CLINT1: variants seen among roughly 807,000 people sequenced by gnomAD.
The protein encoded by CLINT1 is clathrin interactor 1.
CLINT1 carries 15 observed loss-of-function variants against 70.4 expected under a neutral mutation model. The observed-to-expected ratio is 0.21, with a 90% CI of 0.14 to 0.33. CLINT1 has a LOEUF of 0.33. Among genes scored for constraint, CLINT1 ranks in the 10% least tolerant of loss-of-function variants. CLINT1 has a pLI of 1.00. For missense variants in CLINT1, 615 were observed against 778.1 expected (o/e 0.79, Z 2.49); for synonymous variants, 227 against 254.7 (o/e 0.89, Z 1.04).
intron 1 of CLINT1, among the ~76,000 whole-genome samples, chr5:157,827,326 C>T (rs140723023): frequency 2.0e-5 from 3 of 152,146 alleles, no homozygotes; most frequent in Non-Finnish European, 4.4e-5. Context: ...GAAGCAAGGA[C>T]TAAAATAACC....
At chr5:157,830,761 T>TCCCTCC (rs1561662775) in intron 1 of CLINT1, among the ~76,000 whole-genome samples, 1 of 61,732 alleles carries the variant, frequency 1.6e-5, no homozygotes, top group Admixed American at 1.9e-4. Context: ...TCTCTCCCTC[T>TCCCTCC]CTCTCTCTCT....
At chr5:157,817,569 G>A (rs755521539) in intron 1 of CLINT1, 22 bp from the exon 2 acceptor site, 14 of 1,404,972 alleles carry the variant, frequency 1.0e-5, no homozygotes, top group East Asian at 4.8e-5. Context: ...AAAAATGCAC[G>A]CACACATGCA....
intron 6 of CLINT1, among the ~76,000 whole-genome samples, chr5:157,807,860 A>G (rs1762433027): frequency 6.6e-6 from 1 of 152,106 alleles, no homozygotes; most frequent in Non-Finnish European, 1.5e-5. Flanking sequence ...CAGCCTACAT[A>G]GCGTTATTGT....
intron 7 of CLINT1, among the ~76,000 whole-genome samples, chr5:157,804,715 G>A (rs369596118): frequency 3.0e-4 from 46 of 151,926 alleles, no homozygotes; most frequent in African/African-American, 1.1e-3. Context: ...ACTTGAGGTC[G>A]GGAGTTCGAG....
At chr5:157,853,634 G>A (rs979021635) in intron 1 of CLINT1, among the ~76,000 whole-genome samples, 4 of 151,760 alleles carry the variant, frequency 2.6e-5, no homozygotes, top group African/African-American at 4.8e-5. Context: ...AAAATTAGCC[G>A]GGCATGGTGG....
At chr5:157,825,353 A>C (rs1763003278) in intron 1 of CLINT1, among the ~76,000 whole-genome samples, 1 of 152,120 alleles carries the variant, frequency 6.6e-6, no homozygotes, top group Admixed American at 6.5e-5. Flanking sequence ...TTGCTTTTAA[A>C]AATAACCATC....
At position 157,844,132 on chromosome 5, in the gene CLINT1, T is replaced by C. The variant is rs375259737; in HGVS notation, c.41+14798A>G. Among the ~76,000 whole-genome samples the C allele has an allele frequency of 1.6e-3, 242 of 152,212 alleles. 2 individuals are homozygous for C. The highest frequency in any genetic ancestry group is 5.4e-3 in the African/African-American group (226 of 41,554). Reference sequence around the variant, plus strand: ...CACCAGTAATTAAACTTAGATGTATTATCCAATCTCAAAAACTAGACTTGA... The same window carrying C: ...CACCAGTAATTAAACTTAGATGTATCATCCAATCTCAAAAACTAGACTTGA... On this transcript the variant is annotated intron_variant, in intron 1 of 11. Coordinates refer to ENST00000411809, the MANE Select transcript of CLINT1 (RefSeq NM_014666.4).
At chr5:157,847,581 C>T (rs187606) in intron 1 of CLINT1, among the ~76,000 whole-genome samples, 61,227 of 151,776 alleles carry the variant, frequency 0.4, 12,877 homozygotes, top group East Asian at 0.61. Context: ...TGATTCCAAA[C>T]CTCATGGATC....
intron 1 of CLINT1, among the ~76,000 whole-genome samples, chr5:157,826,091 G>T (rs1581516113): frequency 6.6e-6 from 1 of 152,054 alleles, no homozygotes; most frequent in African/African-American, 2.4e-5. Flanking sequence ...GGGAGCAAGT[G>T]AAACACCAAA....
chr5:157,800,921 T>C (rs1762192841), intron 8 of CLINT1, among the ~76,000 whole-genome samples: 1 of 152,186 alleles, frequency 6.6e-6, no homozygotes, highest in Admixed American at 6.5e-5. Flanking sequence ...CTCTGATTGC[T>C]CCATTAAAAC....
intron 1 of CLINT1, among the ~76,000 whole-genome samples, chr5:157,851,272 G>A (rs1056438978): frequency 5.3e-5 from 8 of 152,096 alleles, no homozygotes; most frequent in Non-Finnish European, 5.9e-5. Context: ...GAAAAAGCAC[G>A]CATGTACGTT....
intron 3 of CLINT1, among the ~76,000 whole-genome samples, chr5:157,816,156 T>C (rs1057282661): frequency 6.6e-6 from 1 of 152,126 alleles, no homozygotes; most frequent in African/African-American, 2.4e-5. Context: ...AGCCAAACTA[T>C]GTCATTTTGG....
At chr5:157,834,583 T>G (rs1763356376) in intron 1 of CLINT1, among the ~76,000 whole-genome samples, 1 of 152,224 alleles carries the variant, frequency 6.6e-6, no homozygotes, top group Non-Finnish European at 1.5e-5. Context: ...GTTTCCTTTA[T>G]GGGATGATTA....
intron 10 of CLINT1, chr5:157,790,617 C>T (rs1451667797): frequency 2.2e-6 from 1 of 455,220 alleles, no homozygotes. Context: ...CTTCTTTCTT[C>T]TTTTCCTTCA....
chr5:157,817,573 A>T, intron 1 of CLINT1, 26 bp from the exon 2 acceptor site: 1 of 1,408,900 alleles, frequency 7.1e-7, no homozygotes. Flanking sequence ...ATGCACGCAC[A>T]CATGCACAAA....
At chr5:157,792,169 A>G (rs551072800) in intron 9 of CLINT1, among the ~76,000 whole-genome samples, 174 bp from the exon 10 acceptor site, 68 of 152,160 alleles carry the variant, frequency 4.5e-4, no homozygotes, top group Non-Finnish European at 8.1e-4. Flanking sequence ...GAGAGTTAAC[A>G]AGGTGGCAAA....
rs10632085 is a variant in CLINT1 at position 157,839,720 on chromosome 5, AATCTATCTATCTATCTATCT to A, written c.41+19190_41+19209del. Among the ~76,000 whole-genome samples the A allele has an allele frequency of 8.3e-3, 1,236 of 148,516 alleles. 19 individuals carry two copies. The highest frequency in any genetic ancestry group is 0.027 in the African/African-American group (1,079 of 40,220). On this transcript the variant is annotated intron_variant, in intron 1 of 11. Transcript: ENST00000411809. ...CTAGAAATCTCCTAATTACAACAAAAATCTATCTATCTATCTATCTATCTATCTATCTATCTATCTATCTA... is the reference window on the plus strand; with the variant it reads ...CTAGAAATCTCCTAATTACAACAAAAATCTATCTATCTATCTATCTATCTA...
At chr5:157,850,940 A>T (rs572675246) in intron 1 of CLINT1, among the ~76,000 whole-genome samples, 105 of 152,046 alleles carry the variant, frequency 6.9e-4, no homozygotes, top group Non-Finnish European at 1.3e-3. Context: ...GACTATAGGC[A>T]TGCATCACCA....
intron 8 of CLINT1, chr5:157,795,191 T>C (rs747892904): frequency 2.0e-6 from 1 of 512,168 alleles, no homozygotes; most frequent in Non-Finnish European, 3.5e-6. Flanking sequence ...TCTAGTAAGA[T>C]AAATGACACT....
Sources: gnomAD v4.1 joint callset for allele counts (sites outside exome capture counted in the v4.1 genomes callset) on GRCh38, gnomAD v4.1.1 for gene constraint, MANE v1.5 for transcripts, NCBI Gene and HGNC (gene_info 2026-07-23, HGNC 2026-07-21) for gene names.